SMYD3: variants seen among roughly 807,000 people sequenced by gnomAD.
SMYD3 encodes histone-lysine N-methyltransferase SMYD3.
A neutral mutation model predicts 57.7 loss-of-function variants in SMYD3; 36 were observed. The ratio of observed to expected loss-of-function variants is 0.62; its 90% CI spans 0.48 to 0.82. SMYD3 has a LOEUF of 0.82. Ranked by LOEUF, SMYD3 falls within the 40% of genes least tolerant of loss-of-function variation. SMYD3 has a pLI of 0.00. For synonymous variants in SMYD3, 211 were observed against 195.0 expected (o/e 1.08, Z -0.68); for missense variants, 515 against 538.8 (o/e 0.96, Z 0.44).
At chr1:246,330,647 A>C (rs1231767757) in intron 3 of SMYD3, 110 bp from the exon 4 acceptor site, 3 of 805,564 alleles carry the variant, frequency 3.7e-6, no homozygotes, top group Admixed American at 3.3e-5. Context: ...CAAAAAGAAC[A>C]TTTTCTATAT....
intron 10 of SMYD3, among the ~76,000 whole-genome samples, chr1:245,846,096 TG>T (rs973147309): frequency 6.7e-6 from 1 of 150,132 alleles, no homozygotes; most frequent in East Asian, 2.0e-4. Flanking sequence ...ATGAATGGGG[TG>T]GGGGGGAAGA....
intron 1 of SMYD3, among the ~76,000 whole-genome samples, chr1:246,406,517 C>T (rs975536037): frequency 2.6e-5 from 4 of 152,134 alleles, no homozygotes; most frequent in African/African-American, 9.7e-5. Flanking sequence ...CCTTTCTCAC[C>T]TTTAAAAAGC....
intron 1 of SMYD3, among the ~76,000 whole-genome samples, chr1:246,465,655 T>C (rs948185354): frequency 2.6e-5 from 4 of 152,182 alleles, no homozygotes; most frequent in East Asian, 3.9e-4. Context: ...CTGGGGAATA[T>C]AGTGAGACCA....
intron 1 of SMYD3, among the ~76,000 whole-genome samples, chr1:246,496,610 T>C (rs996508503): frequency 6.6e-6 from 1 of 152,124 alleles, no homozygotes; most frequent in Admixed American, 6.5e-5. Context: ...GGTGAATTGC[T>C]TGAGCCCAGG....
At chr1:246,259,474 G>T (rs1209863890) in intron 5 of SMYD3, among the ~76,000 whole-genome samples, 1 of 151,710 alleles carries the variant, frequency 6.6e-6, no homozygotes, top group East Asian at 1.9e-4. Context: ...ATTATTTTGG[G>T]TAAGATCTAT....
At chr1:245,835,832 G>C (rs2148400950) in intron 10 of SMYD3, among the ~76,000 whole-genome samples, 1 of 152,322 alleles carries the variant, frequency 6.6e-6, no homozygotes, top group African/African-American at 2.4e-5. Context: ...AGGAGGCCAA[G>C]GTGTTTGATC....
At chr1:245,797,539 G>GT (rs758357615) in intron 10 of SMYD3, among the ~76,000 whole-genome samples, 1 of 126,126 alleles carries the variant, frequency 7.9e-6, no homozygotes, top group Admixed American at 8.5e-5. Context: ...GGTGGGGGGA[G>GT]GGGGTAGGAT....
intron 5 of SMYD3, among the ~76,000 whole-genome samples, chr1:246,049,480 T>C (rs1011298187): frequency 1.1e-4 from 16 of 145,676 alleles, no homozygotes; most frequent in Non-Finnish European, 1.6e-4. Flanking sequence ...TTTTTTTTTG[T>C]ATTTTTAGTA....
intron 5 of SMYD3, among the ~76,000 whole-genome samples, chr1:246,266,734 T>G (rs565831485): frequency 2.0e-5 from 3 of 151,282 alleles, no homozygotes; most frequent in Non-Finnish European, 4.4e-5. Flanking sequence ...GAGGTGGAGG[T>G]TGCAGTGAGC....
rs746225362 is a variant in SMYD3 at position 245,951,568 on chromosome 1, CA to C, written c.532-21632del. ...TGGGTGACAGAGCGAGGCTCTCTCT[CA>C]AAAAAAAAAAAAAACAATTGCCATG... On this transcript the variant is annotated intron_variant, in intron 5 of 11. Coordinates refer to ENST00000490107, the MANE Select transcript of SMYD3 (RefSeq NM_001167740.2). Among the ~76,000 whole-genome samples the C allele has an allele frequency of 5.4e-3, 511 of 94,618 alleles. 27 individuals are homozygous for C. The highest frequency in any genetic ancestry group is 0.014 in the East Asian group (27 of 1,884). The allele number at this position is 94,618 out of a possible 152,430, so 62.1% of individuals were successfully genotyped here. A position where few individuals can be genotyped will look rare whatever the true frequency, so the allele number is the denominator to read the frequency against.
At chr1:246,044,844 A>G (rs952274818) in intron 5 of SMYD3, among the ~76,000 whole-genome samples, 4 of 152,198 alleles carry the variant, frequency 2.6e-5, no homozygotes, top group Non-Finnish European at 4.4e-5. Flanking sequence ...AAAATGACAA[A>G]CTGGACTAGG....
chr1:245,928,140 G>A, intron 6 of SMYD3, 107 bp from the exon 7 acceptor site: 1 of 810,670 alleles, frequency 1.2e-6, no homozygotes, highest in Admixed American at 2.2e-5. Flanking sequence ...GCAGCAGCAG[G>A]TAGGGTTGAC....
Position 245,749,694 on chromosome 1 carries a change from AC to A in SMYD3, c.1186-31del, listed in dbSNP as rs773272995. 26 of 1,578,862 alleles carry A rather than the reference AC, an allele frequency of 1.6e-5. No homozygotes were observed. The African/African-American group carries it at 3.1e-4, about 19-fold the overall frequency. On this transcript the variant is annotated intron_variant, in intron 11 of 11. Coordinates refer to ENST00000490107, the MANE Select transcript of SMYD3 (RefSeq NM_001167740.2). The stretch of plus-strand genomic sequence containing the variant: ...AGAGAAAGGACGGAAGAGAGATTAG[AC>A]CCCAAAATAGGTGAGCTCAGGCCAT...
chr1:245,930,904 T>C (rs9660393), intron 5 of SMYD3: 126,682 of 152,122 alleles, frequency 0.83, 53,482 homozygotes, highest in Middle Eastern at 0.93. Context: ...ATTTAAGCAA[T>C]GACCTGAAGG....
intron 5 of SMYD3, among the ~76,000 whole-genome samples, chr1:246,114,114 A>G (rs1200624645): frequency 1.3e-5 from 2 of 149,084 alleles, no homozygotes; most frequent in South Asian, 2.1e-4. Flanking sequence ...AAAAGCACTA[A>G]TTTCAGATGG....
intron 5 of SMYD3, among the ~76,000 whole-genome samples, chr1:246,049,956 A>C (rs2060039323): frequency 6.6e-6 from 1 of 152,210 alleles, no homozygotes; most frequent in East Asian, 1.9e-4. Context: ...GACGTAGTAA[A>C]TACTGAACAA....
At chr1:246,499,546 T>A (rs2068425200) in intron 1 of SMYD3, among the ~76,000 whole-genome samples, 1 of 151,852 alleles carries the variant, frequency 6.6e-6, no homozygotes. Flanking sequence ...AGCCTCCACC[T>A]CCCAGGTGCA....
Position 246,177,778 on chromosome 1 carries a change from G to C in SMYD3, c.531+149423C>G, listed in dbSNP as rs544573415. Among the ~76,000 whole-genome samples, 19 of 152,284 alleles carry C rather than the reference G, an allele frequency of 1.2e-4. No homozygotes were observed. In the South Asian group the frequency reaches 3.7e-3, roughly 30 times the overall value. The stretch of plus-strand genomic sequence containing the variant: ...ATGAGGACAGAGTGGATAATGATTA[G>C]TACATAGAAAAGTTGCTACTTCGAA... On this transcript the variant is annotated intron_variant, in intron 5 of 11. Coordinates refer to ENST00000490107, the MANE Select transcript of SMYD3 (RefSeq NM_001167740.2).
At chr1:245,936,898 A>G (rs2057008731) in intron 5 of SMYD3, among the ~76,000 whole-genome samples, 1 of 152,256 alleles carries the variant, frequency 6.6e-6, no homozygotes, top group African/African-American at 2.4e-5. Context: ...AAACTAATTT[A>G]CAGCAGGTTA....
Sources: allele counts gnomAD v4.1 joint callset (sites outside exome capture counted in the v4.1 genomes callset), GRCh38; gene constraint gnomAD v4.1.1; transcripts MANE v1.5; gene names NCBI Gene and HGNC (gene_info 2026-07-23, HGNC 2026-07-21).